Variants in FLRT1 observed in about 807,000 individuals in gnomAD.
FLRT1 encodes the protein fibronectin leucine rich transmembrane protein 1.
In FLRT1, 14 loss-of-function variants were observed where a neutral mutation model predicts 30.9. That is an observed-to-expected ratio of 0.45 (90% CI 0.30 to 0.71). The LOEUF is 0.71. Ranked by LOEUF, FLRT1 falls within the 30% of genes least tolerant of loss-of-function variation. The pLI, the probability that FLRT1 is intolerant of heterozygous loss-of-function variation, is 0.08. For missense variants in FLRT1, 737 were observed against 949.2 expected, an observed-to-expected ratio of 0.78 and a Z score of 2.94; for synonymous variants, 368 against 430.4, an observed-to-expected ratio of 0.85 and a Z score of 1.80.
intron 1 of FLRT1, among the ~76,000 whole-genome samples, chr11:64,037,956 C>T (rs1449105803): frequency 6.6e-6 from 1 of 152,194 alleles, no homozygotes; most frequent in Non-Finnish European, 1.5e-5. Flanking sequence ...TGGTCCTGCT[C>T]CTGGACTGGA....
At chr11:64,059,711 C>CA (rs1943860173) in intron 1 of FLRT1, among the ~76,000 whole-genome samples, 1 of 152,230 alleles carries the variant, frequency 6.6e-6, no homozygotes, top group Admixed American at 6.5e-5. Flanking sequence ...AGGGGCAGGT[C>CA]ACTCAGCTAC....
chr11:64,045,624 G>A (rs1448175116), intron 1 of FLRT1, among the ~76,000 whole-genome samples: 8 of 152,154 alleles, frequency 5.3e-5, no homozygotes, highest in Non-Finnish European at 1.0e-4. Context: ...ACCTTGCTGC[G>A]TCCTGAGGGT....
At chr11:64,086,707 G>A (rs1207257392) in intron 1 of FLRT1, among the ~76,000 whole-genome samples, 1 of 152,144 alleles carries the variant, frequency 6.6e-6, no homozygotes, top group African/African-American at 2.4e-5. Flanking sequence ...GGGGGAGAAG[G>A]GCATGAAGAA....
intron 1 of FLRT1, among the ~76,000 whole-genome samples, chr11:64,076,559 C>A (rs534035477): frequency 1.3e-5 from 2 of 152,300 alleles, no homozygotes; most frequent in South Asian, 4.1e-4. Context: ...TCTCTAAGTT[C>A]TCGGCCAGAG....
intron 1 of FLRT1, among the ~76,000 whole-genome samples, chr11:64,102,576 C>T (rs1047100576): frequency 2.0e-5 from 3 of 152,180 alleles, no homozygotes; most frequent in African/African-American, 7.2e-5. Flanking sequence ...CTGGGCTGGG[C>T]GGTTGGCCCT....
At chr11:64,110,878 C>G (rs4980506) in intron 2 of FLRT1, among the ~76,000 whole-genome samples, 9,133 of 152,236 alleles carry the variant, frequency 0.06, 371 homozygotes, top group Middle Eastern at 0.14. Flanking sequence ...TCTGGTGAGG[C>G]GTGCTATCTT....
At chr11:64,061,191 T>C (rs2134438041) in intron 1 of FLRT1, among the ~76,000 whole-genome samples, 1 of 152,336 alleles carries the variant, frequency 6.6e-6, no homozygotes, top group African/African-American at 2.4e-5. Context: ...TGCCAGTAAA[T>C]AAGTCCCCCG....
At chr11:64,107,689 A>G (rs1944787818) in intron 2 of FLRT1, among the ~76,000 whole-genome samples, 1 of 152,244 alleles carries the variant, frequency 6.6e-6, no homozygotes, top group African/African-American at 2.4e-5. Flanking sequence ...GGGATCCAGG[A>G]GCAAAGCTGT....
rs1945021531 is a variant in FLRT1 at position 64,117,914 on chromosome 11, G to A, written c.1647G>A (p.Ala549=). 4.3e-6 allele frequency: 7 copies of A among 1,613,778 alleles called. No individual in the cohort carries two copies. The highest frequency in any genetic ancestry group is 3.3e-4 in the Middle Eastern group (2 of 6,084). The change falls in exon 3 of 3, where the codon GCG becomes GCA. Residue 549 remains alanine (A), a synonymous_variant. Transcript: ENST00000682287. ...LNQEQNAGPM[A]SLPLAGIIGG... Reference sequence around the variant, plus strand: ...AGGAGCAGAACGCTGGCCCCATGGCGAGCCTGCCCCTGGCGGGCATCATCG... The same window carrying A: ...AGGAGCAGAACGCTGGCCCCATGGCAAGCCTGCCCCTGGCGGGCATCATCG...
intron 1 of FLRT1, among the ~76,000 whole-genome samples, chr11:64,051,589 G>A (rs966702048): frequency 3.3e-5 from 5 of 152,210 alleles, no homozygotes; most frequent in Admixed American, 1.3e-4. Context: ...TCTGACAGAC[G>A]GCCTTGTGCC....
chr11:64,093,143 T>A (rs941307877), intron 1 of FLRT1, among the ~76,000 whole-genome samples: 1 of 152,166 alleles, frequency 6.6e-6, no homozygotes, highest in Admixed American at 6.5e-5. Flanking sequence ...AAAATTGGAA[T>A]GGTAATAACA....
intron 1 of FLRT1, among the ~76,000 whole-genome samples, chr11:64,078,932 T>C (rs1432304621): frequency 1.3e-5 from 2 of 151,870 alleles, no homozygotes; most frequent in African/African-American, 2.4e-5. Context: ...TTTATGCCAG[T>C]GCGGTTAAGG....
chr11:64,102,279 C>T (rs1306922262), intron 1 of FLRT1, among the ~76,000 whole-genome samples: 3 of 152,126 alleles, frequency 2.0e-5, no homozygotes, highest in African/African-American at 4.8e-5. Context: ...GGGGAGGGCT[C>T]GGGGTTTTGT....
rs1429547944 is a variant in FLRT1 at position 64,090,843 on chromosome 11, C to T, written c.-1037-12351C>T. On this transcript the variant is annotated intron_variant, in intron 1 of 2. Coordinates refer to ENST00000682287, the MANE Select transcript of FLRT1 (RefSeq NM_013280.5). This position sits in a 1 kb window ranked among gnomAD's most constrained non-coding sequence, Gnocchi z 4.7. ...AGCAGAGCCCGAGTCGGGTCCAGCC[C>T]TGCACTCCCAGGGAGCCCTGAGGGA... Among the ~76,000 whole-genome samples the T allele has an allele frequency of 6.6e-6, 1 of 152,062 alleles. No individual in the cohort carries two copies. The highest frequency in any genetic ancestry group is 1.5e-5 in the Non-Finnish European group (1 of 68,012).
chr11:64,072,124 G>A (rs927009289), intron 1 of FLRT1, among the ~76,000 whole-genome samples: 7 of 152,224 alleles, frequency 4.6e-5, no homozygotes, highest in African/African-American at 7.2e-5. Context: ...GGCCTGCCCC[G>A]GCTGGCAGCC....
intron 1 of FLRT1, among the ~76,000 whole-genome samples, chr11:64,051,069 A>G (rs1458143945): frequency 6.6e-6 from 1 of 152,096 alleles, no homozygotes; most frequent in Non-Finnish European, 1.5e-5. Context: ...ATTGTGCCCC[A>G]CCGATCTGGA....
In FLRT1 at chr11:64,065,864, C is replaced by A. The variant is rs1045492390; in HGVS notation, c.-1038+29705C>A. The stretch of plus-strand genomic sequence containing the variant: ...ATGCACAGGCAGGCAGGTGGGAGAT[C>A]GCAACAACCATTCACCCCAGTGCAG... On this transcript the variant is annotated intron_variant, in intron 1 of 2. Coordinates refer to ENST00000682287, the MANE Select transcript of FLRT1 (RefSeq NM_013280.5). Among the ~76,000 whole-genome samples the A allele has an allele frequency of 2.0e-5, 3 of 151,484 alleles. No homozygotes were observed. The East Asian group carries it at 5.8e-4, about 29-fold the overall frequency.
intron 1 of FLRT1, among the ~76,000 whole-genome samples, chr11:64,077,273 C>A (rs749134114): frequency 1.3e-5 from 2 of 152,184 alleles, no homozygotes; most frequent in African/African-American, 2.4e-5. Context: ...GTACCCCAGG[C>A]GGCCAGCTGG....
At chr11:64,084,842 C>T (rs886161984) in intron 1 of FLRT1, among the ~76,000 whole-genome samples, 2 of 152,174 alleles carry the variant, frequency 1.3e-5, no homozygotes, top group Non-Finnish European at 2.9e-5. Flanking sequence ...TGCCCCGGCC[C>T]GGGAGGGGCG....
Sources: allele counts gnomAD v4.1 joint callset (sites outside exome capture counted in the v4.1 genomes callset), GRCh38; gene constraint gnomAD v4.1.1; non-coding constraint Gnocchi (gnomAD v3.1); transcripts MANE v1.5; gene names NCBI Gene and HGNC (gene_info 2026-07-23, HGNC 2026-07-21).